Variants in MKLN1 observed in about 807,000 individuals in gnomAD.
MKLN1 encodes the protein muskelin.
MKLN1 carries 18 observed loss-of-function variants against 99.0 expected under a neutral mutation model. That is an observed-to-expected ratio of 0.18 (90% CI 0.13 to 0.27). MKLN1 has a LOEUF of 0.27. Among genes scored for constraint, MKLN1 ranks in the 10% least tolerant of loss-of-function variants. The pLI, the probability that MKLN1 is intolerant of heterozygous loss-of-function variation, is 1.00. For synonymous variants in MKLN1, 288 were observed against 293.2 expected, an observed-to-expected ratio of 0.98 and a Z score of 0.18; for missense variants, 621 against 875.9, an observed-to-expected ratio of 0.71 and a Z score of 3.67.
chr7:131,142,303 C>CG (rs1265942062), intron 1 of MKLN1, among the ~76,000 whole-genome samples: 3 of 151,860 alleles, frequency 2.0e-5, no homozygotes, highest in South Asian at 4.2e-4. Flanking sequence ...TCCAGCTACT[C>CG]GGGGGGCTGA....
intron 1 of MKLN1, among the ~76,000 whole-genome samples, chr7:131,117,655 G>GA (rs1270725003): frequency 2.0e-5 from 3 of 152,132 alleles, no homozygotes; most frequent in African/African-American, 7.2e-5. Context: ...TTTTTGGTCT[G>GA]AAAAACATTA....
chr7:131,410,346 G>A (rs750348829), intron 6 of MKLN1, among the ~76,000 whole-genome samples: 6 of 152,096 alleles, frequency 3.9e-5, no homozygotes, highest in Non-Finnish European at 8.8e-5. Flanking sequence ...TTTATAAAAC[G>A]GAGATGATAA....
intron 1 of MKLN1, among the ~76,000 whole-genome samples, chr7:131,124,721 G>A (rs1433685210): frequency 6.6e-6 from 1 of 152,054 alleles, no homozygotes; most frequent in African/African-American, 2.4e-5. Flanking sequence ...TTGGATGTGG[G>A]TCCCTTGTCT....
intron 4 of MKLN1, among the ~76,000 whole-genome samples, chr7:131,396,772 A>G (rs1482789038): frequency 6.6e-6 from 1 of 152,214 alleles, no homozygotes; most frequent in Non-Finnish European, 1.5e-5. Context: ...GTTTGGTTAC[A>G]ATGAAAATCT....
Position 131,388,880 on chromosome 7 carries a change from A to T in MKLN1, c.312-4A>T. The T allele has an allele frequency of 1.9e-6, 3 of 1,595,942 alleles. No individual in the cohort carries two copies. Among genetic ancestry groups the T allele is most frequent in the Non-Finnish European group, 2.6e-6 (3 of 1,168,154 alleles). On this transcript the variant is annotated splice_polypyrimidine_tract_variant and splice_region_variant and intron_variant, in intron 3 of 17. Coordinates refer to ENST00000352689, the MANE Select transcript of MKLN1 (RefSeq NM_013255.5). ...GATTTAATAGCCTTATTTTTTTCCC[A>T]CAGTGGCTTAAAGAATGATTATAAC...
chr7:131,346,787 A>G (rs1799576123), intron 1 of MKLN1, among the ~76,000 whole-genome samples: 1 of 152,258 alleles, frequency 6.6e-6, no homozygotes, highest in South Asian at 2.1e-4. Flanking sequence ...CCTAGGCCCA[A>G]AGTACTAGAC....
intron 3 of MKLN1, among the ~76,000 whole-genome samples, chr7:131,259,014 G>T (rs529312750): frequency 2.6e-4 from 39 of 152,268 alleles, no homozygotes; most frequent in Non-Finnish European, 4.7e-4. Flanking sequence ...AGGGGAGCCA[G>T]TTCTAGCTGG....
At chr7:131,200,458 T>C (rs1024134929) in intron 2 of MKLN1, among the ~76,000 whole-genome samples, 4 of 152,324 alleles carry the variant, frequency 2.6e-5, no homozygotes, top group African/African-American at 9.6e-5. Flanking sequence ...ATTATGCAAA[T>C]GGCAGATTAT....
At chr7:131,333,069 G>A (rs1192977777) in intron 1 of MKLN1, among the ~76,000 whole-genome samples, 6 of 152,020 alleles carry the variant, frequency 3.9e-5, no homozygotes, top group Admixed American at 1.3e-4. Flanking sequence ...TATTACAGGC[G>A]TGCACCACCA....
At chr7:131,264,747 A>G (rs557271439) in intron 3 of MKLN1, among the ~76,000 whole-genome samples, 1 of 152,230 alleles carries the variant, frequency 6.6e-6, no homozygotes, top group East Asian at 1.9e-4. Flanking sequence ...TTTCTGCCTT[A>G]GCAGGACAGA....
At chr7:131,133,697 AG>A (rs1265352268) in intron 1 of MKLN1, among the ~76,000 whole-genome samples, 1 of 150,268 alleles carries the variant, frequency 6.7e-6, no homozygotes, top group Non-Finnish European at 1.5e-5. Flanking sequence ...TATGTTGACC[AG>A]GCTAGTCTCA....
chr7:131,441,726 A>T (rs1795847113), intron 10 of MKLN1, among the ~76,000 whole-genome samples: 1 of 152,242 alleles, frequency 6.6e-6, no homozygotes, highest in South Asian at 2.1e-4. Flanking sequence ...AGAATAAACC[A>T]CATCAAAATT....
chr7:131,275,304 A>C (rs2116565842), intron 3 of MKLN1, among the ~76,000 whole-genome samples: 1 of 141,480 alleles, frequency 7.1e-6, no homozygotes, highest in African/African-American at 2.7e-5. Flanking sequence ...TGACCTGATC[A>C]CCTCCCAAAG....
chr7:131,117,499 A>G, intron 1 of MKLN1, among the ~76,000 whole-genome samples: 1 of 152,142 alleles, frequency 6.6e-6, no homozygotes, highest in East Asian at 1.9e-4. Context: ...CAGGTGAAAG[A>G]TAGGCAGCTG....
chr7:131,236,863 T>C (rs1030756208), intron 3 of MKLN1, among the ~76,000 whole-genome samples: 1 of 152,130 alleles, frequency 6.6e-6, no homozygotes, highest in Non-Finnish European at 1.5e-5. Flanking sequence ...GGTGCACTCC[T>C]GTAGTCCCAG....
At chr7:131,160,949 T>C (rs1202975819) in intron 2 of MKLN1, among the ~76,000 whole-genome samples, 1 of 152,214 alleles carries the variant, frequency 6.6e-6, no homozygotes, top group Non-Finnish European at 1.5e-5. Flanking sequence ...TATCCTGTCC[T>C]ATCAATATGA....
chr7:131,195,238 C>T (rs1339248368), intron 2 of MKLN1, among the ~76,000 whole-genome samples: 1 of 152,112 alleles, frequency 6.6e-6, no homozygotes. Context: ...GGGCCGGGCA[C>T]GGTGGCTCAT....
intron 1 of MKLN1, among the ~76,000 whole-genome samples, chr7:131,141,492 G>A (rs1563229277): frequency 6.6e-6 from 1 of 152,172 alleles, no homozygotes; most frequent in Non-Finnish European, 1.5e-5. Context: ...CCTCGAGAAT[G>A]TGGCTTGTAC....
chr7:131,447,581 A>C (rs13228664), intron 12 of MKLN1, among the ~76,000 whole-genome samples: 2 of 151,928 alleles, frequency 1.3e-5, no homozygotes, highest in African/African-American at 2.4e-5. Flanking sequence ...CTCCTTCTAC[A>C]ATCCTAAGAT....
Sources: gnomAD v4.1 joint callset for allele counts (sites outside exome capture counted in the v4.1 genomes callset) on GRCh38, gnomAD v4.1.1 for gene constraint, MANE v1.5 for transcripts, NCBI Gene and HGNC (gene_info 2026-07-23, HGNC 2026-07-21) for gene names.